ARIH2: variants seen among roughly 807,000 people sequenced by gnomAD.
ARIH2 encodes the protein ariadne RBR E3 ubiquitin protein ligase 2.
A neutral mutation model predicts 79.8 loss-of-function variants in ARIH2; 12 were observed. The ratio of observed to expected loss-of-function variants is 0.15; its 90% CI spans 0.10 to 0.24. The LOEUF (loss-of-function observed/expected upper bound fraction) is 0.24, where lower values mean the gene tolerates loss of function less well. ARIH2 is among the 10% of genes least tolerant of loss of function. ARIH2 has a pLI of 1.00. For missense variants in ARIH2, 301 were observed against 618.3 expected, an observed-to-expected ratio of 0.49 and a Z score of 5.44; for synonymous variants, 224 against 213.9, an observed-to-expected ratio of 1.05 and a Z score of -0.41.
At chr3:48,967,691 C>CAT (rs1389428006) in intron 6 of ARIH2, among the ~76,000 whole-genome samples, 3 of 152,176 alleles carry the variant, frequency 2.0e-5, no homozygotes, top group African/African-American at 7.2e-5. Context: ...TACTGAAACA[C>CAT]ATTAGCATCG....
intron 3 of ARIH2, among the ~76,000 whole-genome samples, chr3:48,933,249 T>G (rs1483614969): frequency 1.0e-4 from 1 of 9,574 alleles, no homozygotes; most frequent in Non-Finnish European, 1.8e-4. Flanking sequence ...TGTGTGTGTG[T>G]GTGTGTGTGT....
At chr3:48,966,794 A>C (rs2091828702) in intron 5 of ARIH2, among the ~76,000 whole-genome samples, 3 of 152,192 alleles carry the variant, frequency 2.0e-5, no homozygotes, top group Non-Finnish European at 4.4e-5. Flanking sequence ...AATTTGGACT[A>C]AGTGACTTCT....
chr3:48,944,621 G>C (rs2088847672), intron 3 of ARIH2, among the ~76,000 whole-genome samples: 1 of 152,126 alleles, frequency 6.6e-6, no homozygotes, highest in Non-Finnish European at 1.5e-5. Flanking sequence ...AGAATATTTA[G>C]GTGTGAAGTA....
At chr3:48,951,616 G>A (rs1364575711) in intron 3 of ARIH2, among the ~76,000 whole-genome samples, 3 of 152,208 alleles carry the variant, frequency 2.0e-5, no homozygotes, top group African/African-American at 7.2e-5. Flanking sequence ...ATAAAGAGCT[G>A]CTCAGTTTTT....
At chr3:48,954,868 A>G (rs2090398853) in intron 3 of ARIH2, among the ~76,000 whole-genome samples, 1 of 152,154 alleles carries the variant, frequency 6.6e-6, no homozygotes, top group African/African-American at 2.4e-5. Context: ...TTTAATTTCT[A>G]GTTTTTTCCT....
At chr3:48,950,463 G>T (rs576960745) in intron 3 of ARIH2, among the ~76,000 whole-genome samples, 1 of 152,230 alleles carries the variant, frequency 6.6e-6, no homozygotes, top group Non-Finnish European at 1.5e-5. Flanking sequence ...GTCAGATGGT[G>T]TAAGTCTTTC....
intron 3 of ARIH2, chr3:48,943,170 A>C (rs1023859697): frequency 7.9e-5 from 12 of 152,112 alleles, no homozygotes; most frequent in African/African-American, 2.7e-4. Flanking sequence ...TGATACATCC[A>C]CTAAAAGTAC....
At chr3:48,919,165 G>A in intron 1 of ARIH2, 167 bp downstream of exon 1, 2 of 1,299,870 alleles carry the variant, frequency 1.5e-6, no homozygotes, top group South Asian at 3.0e-5. Flanking sequence ...GCCGTCAGCG[G>A]CCGGGCGCCC....
At chr3:48,949,192 A>G in intron 3 of ARIH2, 1 of 439,146 alleles carries the variant, frequency 2.3e-6, no homozygotes, top group Non-Finnish European at 4.6e-6. Flanking sequence ...ATCTCGGCTC[A>G]CTGCAAGCTC....
chr3:48,970,527 CA>C, intron 7 of ARIH2, 67 bp from the exon 8 acceptor site: 1 of 1,023,942 alleles, frequency 9.8e-7, no homozygotes, highest in South Asian at 1.3e-5. Context: ...TTTGAATATT[CA>C]GGGGGTTCTG....
chr3:48,927,303 G>A, intron 2 of ARIH2, 159 bp from the exon 3 acceptor site: 1 of 445,488 alleles, frequency 2.2e-6, no homozygotes, highest in South Asian at 2.5e-5. Context: ...TATAAGCCTG[G>A]GCCAGGGGGA....
rs367566079 is a variant in ARIH2, at chr3:48,977,689, T to C, written c.962-1793T>C. On this transcript the variant is annotated intron_variant, in intron 11 of 15. Coordinates refer to ENST00000356401, the MANE Select transcript of ARIH2 (RefSeq NM_006321.4). ...GGCCATGCTGGTTGTGAACTCCTGA[T>C]CTCATGATTAGCCCACCTTGGCCTC... Among the ~76,000 whole-genome samples the C allele has an allele frequency of 2.9e-3, 445 of 152,272 alleles. 4 individuals carry two copies. The highest frequency in any genetic ancestry group is 1.0e-2 in the African/African-American group (414 of 41,560).
At chr3:48,939,119 C>T (rs1301341338) in intron 3 of ARIH2, among the ~76,000 whole-genome samples, 1 of 151,984 alleles carries the variant, frequency 6.6e-6, no homozygotes, top group Non-Finnish European at 1.5e-5. Context: ...AGGCGCCTGC[C>T]ACCACACCTG....
At chr3:48,938,912 CCAAAAAAAAAAA>C (rs1250798944) in intron 3 of ARIH2, among the ~76,000 whole-genome samples, 2 of 21,354 alleles carry the variant, frequency 9.4e-5, no homozygotes, top group Non-Finnish European at 1.4e-4. Flanking sequence ...GGTCTTTAGA[CCAAAAAAAAAAA>C]AAAAAAAAAA....
rs1213902783 is a variant in ARIH2, at chr3:48,927,741, C to T, written c.183C>T (p.Phe61=). Reference sequence around the variant, plus strand: ...CCTTTGATCCCGAGGAGTACCAGTTCACTTGCTTGACCTACAAGGAATCTG... The same window carrying T: ...CCTTTGATCCCGAGGAGTACCAGTTTACTTGCTTGACCTACAAGGAATCTG... ...ADAFDPEEYQ[F]TCLTYKESEG... Residue 61 remains phenylalanine (F), a synonymous_variant, in exon 3 of 16, where the codon TTC becomes TTT. Transcript: ENST00000356401. 6.2e-7 allele frequency: 1 copy of T among 1,614,102 alleles called. No homozygotes were observed. The highest frequency in any genetic ancestry group is 8.5e-7 in the Non-Finnish European group (1 of 1,180,058).
At chr3:48,963,000 C>T (rs1289481682) in intron 4 of ARIH2, among the ~76,000 whole-genome samples, 2 of 152,144 alleles carry the variant, frequency 1.3e-5, no homozygotes, top group African/African-American at 4.8e-5. Flanking sequence ...TATGAAGTAG[C>T]TGGGATTACC....
intron 3 of ARIH2, among the ~76,000 whole-genome samples, chr3:48,948,148 A>G (rs1280682363): frequency 1.3e-5 from 2 of 151,332 alleles, no homozygotes; most frequent in Non-Finnish European, 2.9e-5. Context: ...TTTTTAGTAG[A>G]GATGGAGTTT....
At chr3:48,976,472 A>G (rs1177014626) in intron 11 of ARIH2, among the ~76,000 whole-genome samples, 3 of 151,876 alleles carry the variant, frequency 2.0e-5, no homozygotes, top group East Asian at 1.9e-4. Context: ...CGACCTCCCA[A>G]AGTGCTGGGA....
intron 3 of ARIH2, among the ~76,000 whole-genome samples, chr3:48,951,245 T>C (rs1484870803): frequency 6.6e-6 from 1 of 152,182 alleles, no homozygotes; most frequent in African/African-American, 2.4e-5. Flanking sequence ...ATTACAAGCG[T>C]GAGCCAGTGT....
Sources: allele counts gnomAD v4.1 joint callset (sites outside exome capture counted in the v4.1 genomes callset), GRCh38; gene constraint gnomAD v4.1.1; transcripts MANE v1.5; gene names NCBI Gene and HGNC (gene_info 2026-07-23, HGNC 2026-07-21).